KIAA1586: variants seen among roughly 807,000 people sequenced by gnomAD.
The protein encoded by KIAA1586 is KIAA1586.
A neutral mutation model predicts 6.1 loss-of-function variants in KIAA1586; 5 were observed. The observed-to-expected ratio is 0.82, with a 90% CI of 0.43 to 1.73. KIAA1586 has a LOEUF of 1.73. Among genes scored for constraint, KIAA1586 ranks in the 40% most tolerant of loss-of-function variants. The pLI, the probability that KIAA1586 is intolerant of heterozygous loss-of-function variation, is 0.02. For missense variants in KIAA1586, 899 were observed against 878.2 expected, an observed-to-expected ratio of 1.02 and a Z score of -0.30; for synonymous variants, 280 against 301.7, an observed-to-expected ratio of 0.93 and a Z score of 0.75.
In KIAA1586 at chr6:57,054,966, G is replaced by T; in HGVS notation, c.*103G>T. On this transcript the variant is annotated 3_prime_UTR_variant, in exon 4 of 4. Coordinates refer to ENST00000370733, the MANE Select transcript of KIAA1586 (RefSeq NM_020931.4). ...TGGAAAGCCAGTTAAACTTTTATCAGCATGTTGCTGTTTAAAAGGCGTTCT... is the reference window on the plus strand; with the variant it reads ...TGGAAAGCCAGTTAAACTTTTATCATCATGTTGCTGTTTAAAAGGCGTTCT... The T allele has an allele frequency of 7.9e-7, 1 of 1,267,350 alleles. No homozygotes were observed. The allele number at this position is 1,267,350 out of a possible 1,614,324, so 78.5% of individuals were successfully genotyped here. A position where few individuals can be genotyped will look rare whatever the true frequency, so the allele number is the denominator to read the frequency against.
At chr6:57,050,689 T>C in intron 2 of KIAA1586, 85 bp from the exon 3 acceptor site, 1 of 932,808 alleles carries the variant, frequency 1.1e-6, no homozygotes, top group Non-Finnish European at 1.7e-6. Flanking sequence ...CAATTCCAAC[T>C]AAAAAAATCT....
chr6:57,054,519 T>C lies in KIAA1586; in HGVS notation c.2020T>C (p.Phe674Leu), dbSNP rs1309827996. 6.3e-7 allele frequency: 1 copy of C among 1,593,784 alleles called. No homozygotes were observed. Among genetic ancestry groups the C allele is most frequent in the South Asian group, 1.1e-5 (1 of 88,040 alleles). ...AGTTGATTTGAATGATTTTCGGGAA[T>C]TTGTAAATAATAATATAAAATCAAA... ...YEVDLNDFREFVNNNIKSNNV... is the reference protein window; with the variant it reads ...YEVDLNDFRELVNNNIKSNNV... The change falls in exon 4 of 4, where the codon TTT (phenylalanine) becomes CTT (leucine). Residue 674 changes from phenylalanine (F) to leucine (L), a missense_variant. Phe to Leu is a conservative substitution (Grantham distance 22, BLOSUM62 0). Coordinates refer to ENST00000370733, the MANE Select transcript of KIAA1586 (RefSeq NM_020931.4).
the KIAA1586 span, among the ~76,000 whole-genome samples, chr6:57,060,364 A>G: frequency 6.6e-6 from 1 of 152,168 alleles, no homozygotes; most frequent in Non-Finnish European, 1.5e-5. Context: ...TTCCAAGCAG[A>G]CTTATATTTC....
rs934467202 is a variant in KIAA1586, at chr6:57,054,450, G to T, written c.1951G>T (p.Gly651Cys). The change falls in exon 4 of 4, where the codon GGT becomes TGT. Residue 651 changes from glycine (G) to cysteine (C), a missense_variant. By Grantham distance (159) the Gly-to-Cys change is radical (BLOSUM62 -3). Coordinates refer to ENST00000370733, the MANE Select transcript of KIAA1586 (RefSeq NM_020931.4). ...AGAAATAACTTCACCATGGATAGCT[G>T]GTGAAAAAACATTATTTCATTTGTG... ...YEEITSPWIA[G>C]EKTLFHLCKI... 17 of 1,605,338 alleles carry T rather than the reference G, an allele frequency of 1.1e-5. No homozygotes were observed. The highest frequency in any genetic ancestry group is 1.4e-5 in the Non-Finnish European group (17 of 1,176,612).
chr6:57,061,361 A>G, the KIAA1586 span, among the ~76,000 whole-genome samples: 1 of 152,152 alleles, frequency 6.6e-6, no homozygotes, highest in Non-Finnish European at 1.5e-5. Flanking sequence ...AACAAGGATA[A>G]TAATTGCATC....
chr6:57,055,376 T>C (rs1828482484), downstream of KIAA1586: 1 of 151,780 alleles, frequency 6.6e-6, no homozygotes, highest in Non-Finnish European at 1.5e-5. Flanking sequence ...ATGTGAAATA[T>C]TTTTCTGCTT....
intron 1 of KIAA1586, 23 bp downstream of exon 1, chr6:57,046,799 T>C: frequency 6.2e-7 from 1 of 1,609,352 alleles, no homozygotes; most frequent in Non-Finnish European, 8.5e-7. Flanking sequence ...GTGAGGGTCC[T>C]GGCGTTCTCA....
At chr6:57,052,478 CTG>C (rs1311434600) in intron 3 of KIAA1586, among the ~76,000 whole-genome samples, 7 of 152,086 alleles carry the variant, frequency 4.6e-5, no homozygotes, top group East Asian at 1.9e-4. Flanking sequence ...TTTTGTGAAA[CTG>C]TTGTTGGTTG....
At chr6:57,057,024 C>T (rs1406262605), downstream of KIAA1586, among the ~76,000 whole-genome samples, 2 of 151,526 alleles carry the variant, frequency 1.3e-5, no homozygotes, top group East Asian at 2.0e-4. Context: ...GTTAGGAGAT[C>T]GAAACCATCC....
the KIAA1586 span, among the ~76,000 whole-genome samples, chr6:57,066,294 T>C: frequency 1.3e-5 from 2 of 152,012 alleles, no homozygotes; most frequent in Non-Finnish European, 2.9e-5. Flanking sequence ...AGGAAAAAAA[T>C]TCAAATTTCC....
chr6:57,048,842 A>T (rs1323263364), intron 2 of KIAA1586, among the ~76,000 whole-genome samples: 2 of 152,216 alleles, frequency 1.3e-5, no homozygotes, highest in African/African-American at 4.8e-5. Flanking sequence ...TGTGCCGTTG[A>T]GAAACACAGA....
In KIAA1586 at chr6:57,053,969, A is replaced by G. The variant is rs925828264; in HGVS notation, c.1470A>G (p.Gln490=). 8 of 1,587,812 alleles carry G rather than the reference A, an allele frequency of 5.0e-6. No individual in the cohort carries two copies. The highest frequency in any genetic ancestry group is 6.8e-6 in the Non-Finnish European group (8 of 1,170,918). ...CAAGATGGGCGGCATGTAGTTTACA[A>G]GCTGCTACTGCTGTATGGCATGCAT... ...MGPRWAACSL[Q]AATAVWHAYP... The change falls in exon 4 of 4, where the codon CAA becomes CAG. Residue 490 remains glutamine, a synonymous_variant. Transcript: ENST00000370733.
rs7740767 is a variant in KIAA1586, at chr6:57,048,655, C to A, written c.105+1259C>A. ...CATTTGGGAAGAGGAGTTCATGGGT[C>A]TTTAGGAAAAATAATTTTGGTTTCC... is the stretch of plus-strand genomic sequence containing the variant. On this transcript the variant is annotated intron_variant, in intron 2 of 3. Coordinates refer to ENST00000370733, the MANE Select transcript of KIAA1586 (RefSeq NM_020931.4). Among the ~76,000 whole-genome samples the A allele has an allele frequency of 4.5e-3, 678 of 152,204 alleles. 8 individuals are homozygous for A. The highest frequency in any genetic ancestry group is 0.015 in the African/African-American group (640 of 41,530).
chr6:57,064,746 C>A, the KIAA1586 span, among the ~76,000 whole-genome samples: 1 of 152,122 alleles, frequency 6.6e-6, no homozygotes, highest in Non-Finnish European at 1.5e-5. Flanking sequence ...CTGATTCTGG[C>A]AGATGTGGCT....
At position 57,054,206 on chromosome 6, in the gene KIAA1586, T is replaced by G. The variant is rs1270938756; in HGVS notation, c.1707T>G (p.Ile569Met). 6.3e-7 allele frequency: 1 copy of G among 1,592,572 alleles called. No homozygotes were observed. Among genetic ancestry groups the G allele is most frequent in the Admixed American group, 1.9e-5 (1 of 53,620 alleles). Reference sequence around the variant, plus strand: ...TAAGAGCTTTGGAAAATTTAAAAATTGGTACTGGAAAGTATGAATCTCAAA... The same window carrying G: ...TAAGAGCTTTGGAAAATTTAAAAATGGGTACTGGAAAGTATGAATCTCAAA... ...RTIRALENLK[I>M]GTGKYESQIE... The change falls in exon 4 of 4, where the codon ATT (isoleucine) becomes ATG (methionine). Residue 569 changes from isoleucine (I) to methionine (M), a missense_variant. By Grantham distance (10) the Ile-to-Met change is conservative (BLOSUM62 1). Transcript: ENST00000370733.
Position 57,054,910 on chromosome 6 carries a change from C to A in KIAA1586, c.*47C>A, listed in dbSNP as rs1406362129. The A allele has an allele frequency of 2.8e-6, 4 of 1,438,488 alleles. No individual in the cohort carries two copies. The highest frequency in any genetic ancestry group is 3.7e-6 in the Non-Finnish European group (4 of 1,090,724). The allele number at this position is 1,438,488 out of a possible 1,614,324, so 89.1% of individuals were successfully genotyped here. ...CATCTGTAAATTATGTACTACACAT[C>A]CTTTATATACATAAAGGTCTTTTTT... On this transcript the variant is annotated 3_prime_UTR_variant, in exon 4 of 4. Coordinates refer to ENST00000370733, the MANE Select transcript of KIAA1586 (RefSeq NM_020931.4).
chr6:57,049,412 A>G (rs1191191290), intron 2 of KIAA1586, among the ~76,000 whole-genome samples: 1 of 152,030 alleles, frequency 6.6e-6, no homozygotes, highest in East Asian at 1.9e-4. Flanking sequence ...TTACTTCTTG[A>G]TATATTCTGG....
In KIAA1586 at chr6:57,046,764, C is replaced by G; in HGVS notation, c.9C>G (p.Asp3Glu). The G allele has an allele frequency of 6.2e-7, 1 of 1,612,486 alleles. No homozygotes were observed. The highest frequency in any genetic ancestry group is 8.5e-7 in the Non-Finnish European group (1 of 1,179,506). Residue 3 changes from aspartate to glutamate, a missense_variant, in exon 1 of 4, where the codon GAC (aspartate) becomes GAG (glutamate). Coordinates refer to ENST00000370733, the MANE Select transcript of KIAA1586 (RefSeq NM_020931.4). MG[D>E]PGSEIIESVP... Reference sequence around the variant, plus strand: ...GCGCGGCCGTCGGAGACATGGGAGACCCGGGGTCGGAAGTGAGTAGTCGAG... The same window carrying G: ...GCGCGGCCGTCGGAGACATGGGAGAGCCGGGGTCGGAAGTGAGTAGTCGAG...
chr6:57,063,261 A>G, the KIAA1586 span, among the ~76,000 whole-genome samples: 1 of 152,122 alleles, frequency 6.6e-6, no homozygotes, highest in Non-Finnish European at 1.5e-5. Context: ...AAATATTACC[A>G]GAAAAATGAT....
Sources: gnomAD v4.1 joint callset for allele counts (sites outside exome capture counted in the v4.1 genomes callset) on GRCh38, gnomAD v4.1.1 for gene constraint, MANE v1.5 for transcripts, NCBI Gene and HGNC (gene_info 2026-07-23, HGNC 2026-07-21) for gene names.